PRKG1: variants seen among roughly 807,000 people sequenced by gnomAD.
PRKG1 encodes the protein protein kinase cGMP-dependent 1.
PRKG1 carries 35 observed loss-of-function variants against 88.1 expected under a neutral mutation model. The observed-to-expected ratio is 0.40, with a 90% CI of 0.30 to 0.53. The LOEUF (loss-of-function observed/expected upper bound fraction) is 0.53. Among genes scored for constraint, PRKG1 ranks in the 20% least tolerant of loss-of-function variants. The pLI, the probability that PRKG1 is intolerant of heterozygous loss-of-function variation, is 0.59. For missense variants in PRKG1, 540 were observed against 839.8 expected (o/e 0.64, Z 4.41); for synonymous variants, 303 against 292.5 (o/e 1.04, Z -0.37).
intron 4 of PRKG1, among the ~76,000 whole-genome samples, chr10:51,815,661 A>G (rs1937717): frequency 0.21 from 32,630 of 152,126 alleles, 5,623 homozygotes; most frequent in African/African-American, 0.48. Context: ...AGTCAGAATT[A>G]GCATCATAGG....
intron 3 of PRKG1, among the ~76,000 whole-genome samples, chr10:51,481,524 T>A (rs532062320): frequency 6.6e-6 from 1 of 152,196 alleles, no homozygotes; most frequent in South Asian, 2.1e-4. Flanking sequence ...GCTAGGATTA[T>A]AGGCATGAGC....
At chr10:52,006,979 T>C (rs1844752586) in intron 5 of PRKG1, among the ~76,000 whole-genome samples, 1 of 152,078 alleles carries the variant, frequency 6.6e-6, no homozygotes, top group Admixed American at 6.6e-5. Flanking sequence ...TTCAGCTTTC[T>C]TAAAGAAAAA....
chr10:52,232,655 A>C (rs539550785), intron 9 of PRKG1, among the ~76,000 whole-genome samples: 1 of 152,322 alleles, frequency 6.6e-6, no homozygotes, highest in South Asian at 2.1e-4. Context: ...GAGTGGCCAA[A>C]TATCACAAGT....
chr10:51,146,198 A>G (rs1845944845), intron 1 of PRKG1, among the ~76,000 whole-genome samples: 1 of 151,968 alleles, frequency 6.6e-6, no homozygotes, highest in Non-Finnish European at 1.5e-5. Flanking sequence ...CAAAAAAAAA[A>G]AAGAAAAAAA....
chr10:52,192,702 C>A (rs1308200374), intron 9 of PRKG1, among the ~76,000 whole-genome samples: 1 of 151,862 alleles, frequency 6.6e-6, no homozygotes, highest in Non-Finnish European at 1.5e-5. Context: ...ACAGCCTCCA[C>A]AGAATTGGTA....
chr10:51,356,938 G>T (rs1278725998), intron 2 of PRKG1, among the ~76,000 whole-genome samples: 2 of 151,954 alleles, frequency 1.3e-5, no homozygotes, highest in Non-Finnish European at 2.9e-5. Flanking sequence ...ATGTGTAGGA[G>T]CTCTTATTTT....
intron 2 of PRKG1, among the ~76,000 whole-genome samples, chr10:51,313,591 G>T (rs1841245782): frequency 6.6e-6 from 1 of 152,108 alleles, no homozygotes; most frequent in Non-Finnish European, 1.5e-5. Flanking sequence ...AGATGGAAAA[G>T]AAATAAAACA....
intron 9 of PRKG1, among the ~76,000 whole-genome samples, chr10:52,226,969 G>C (rs1234506954): frequency 1.3e-5 from 2 of 152,058 alleles, no homozygotes; most frequent in Non-Finnish European, 2.9e-5. Flanking sequence ...TAAATTGCAA[G>C]AGATCTTATA....
chr10:51,072,041 C>CA (rs1274704659), upstream of PRKG1, among the ~76,000 whole-genome samples: 1 of 152,042 alleles, frequency 6.6e-6, no homozygotes, highest in Non-Finnish European at 1.5e-5. Flanking sequence ...ACTAAAAATA[C>CA]AAAAACTAGC....
At chr10:51,354,139 T>G in intron 2 of PRKG1, among the ~76,000 whole-genome samples, 1 of 151,648 alleles carries the variant, frequency 6.6e-6, no homozygotes, top group African/African-American at 2.4e-5. Flanking sequence ...AGGAGAAGGA[T>G]GGTTACAACG....
Position 51,091,100 on chromosome 10 carries a change from G to T in PRKG1, c.311+16199G>T, listed in dbSNP as rs540036431. ...TGTAGAGGAATACATTAATGGTCTT[G>T]GACAAATTCTTGACAGTCATAATGA... On this transcript the variant is annotated intron_variant, in intron 1 of 17. Transcript: ENST00000373980. Among the ~76,000 whole-genome samples, 31 of 152,146 alleles carry T rather than the reference G, an allele frequency of 2.0e-4. No individual in the cohort carries two copies. In the South Asian group the frequency reaches 5.8e-3, roughly 29 times the overall value.
intron 2 of PRKG1, among the ~76,000 whole-genome samples, chr10:51,204,306 C>T (rs1837988092): frequency 1.3e-5 from 2 of 151,880 alleles, no homozygotes; most frequent in Non-Finnish European, 2.9e-5. Flanking sequence ...TGAAAAGTGA[C>T]CTCCTCTTTG....
intron 3 of PRKG1, among the ~76,000 whole-genome samples, chr10:51,726,613 G>A (rs959930629): frequency 1.3e-5 from 2 of 152,250 alleles, no homozygotes; most frequent in Non-Finnish European, 1.5e-5. Flanking sequence ...ACTGTGATAT[G>A]TGTGTATACA....
At chr10:51,763,511 C>G (rs969576403) in intron 3 of PRKG1, among the ~76,000 whole-genome samples, 2 of 151,740 alleles carry the variant, frequency 1.3e-5, no homozygotes, top group African/African-American at 4.8e-5. Context: ...CCTGGGCCTT[C>G]CAAAGTGCTG....
intron 7 of PRKG1, among the ~76,000 whole-genome samples, chr10:52,076,572 GAGA>G (rs1846635049): frequency 6.6e-6 from 1 of 152,112 alleles, no homozygotes; most frequent in Non-Finnish European, 1.5e-5. Flanking sequence ...GAAGGAGAAG[GAGA>G]AGGAGAAGAT....
intron 1 of PRKG1, among the ~76,000 whole-genome samples, chr10:51,120,518 T>C (rs1393039016): frequency 6.6e-6 from 1 of 152,156 alleles, no homozygotes; most frequent in Non-Finnish European, 1.5e-5. Context: ...CTGGCCCCTG[T>C]TTTTGAACAA....
intron 2 of PRKG1, among the ~76,000 whole-genome samples, chr10:51,321,033 A>G (rs1841440831): frequency 6.6e-6 from 1 of 152,002 alleles, no homozygotes; most frequent in Admixed American, 6.6e-5. Flanking sequence ...ATCTGCAAGG[A>G]GATATCCTTG....
At chr10:51,816,678 C>T (rs1839595917) in intron 4 of PRKG1, among the ~76,000 whole-genome samples, 1 of 151,602 alleles carries the variant, frequency 6.6e-6, no homozygotes, top group Non-Finnish European at 1.5e-5. Context: ...TTATTATTTA[C>T]TTTGTGTGTG....
chr10:51,847,943 A>G (rs1016036137), intron 4 of PRKG1, among the ~76,000 whole-genome samples: 1 of 151,078 alleles, frequency 6.6e-6, no homozygotes, highest in Non-Finnish European at 1.5e-5. Flanking sequence ...ATATACATTA[A>G]ATATACTGTT....
Sources: gnomAD v4.1 joint callset for allele counts (sites outside exome capture counted in the v4.1 genomes callset) on GRCh38, gnomAD v4.1.1 for gene constraint, MANE v1.5 for transcripts, NCBI Gene and HGNC (gene_info 2026-07-23, HGNC 2026-07-21) for gene names.